NSUN3: variants seen among roughly 807,000 people sequenced by gnomAD.
NSUN3 encodes NOP2/Sun RNA methyltransferase 3.
NSUN3 carries 24 observed loss-of-function variants against 36.8 expected under a neutral mutation model. The observed-to-expected ratio is 0.65, with a 90% CI of 0.47 to 0.92. The LOEUF (loss-of-function observed/expected upper bound fraction) is 0.92, where lower values mean the gene tolerates loss of function less well. Ranked by LOEUF, NSUN3 falls within the 40% of genes least tolerant of loss-of-function variation. NSUN3 has a pLI of 0.00. For missense variants in NSUN3, 381 were observed against 392.8 expected (o/e 0.97, Z 0.25); for synonymous variants, 146 against 145.2 (o/e 1.01, Z -0.04).
chr3:94,095,492 T>G (rs2077334049), intron 5 of NSUN3, among the ~76,000 whole-genome samples: 2 of 152,172 alleles, frequency 1.3e-5, no homozygotes, highest in Admixed American at 1.3e-4. Context: ...GAGCAGCCCC[T>G]TAGGAATAGC....
intron 2 of NSUN3, among the ~76,000 whole-genome samples, chr3:94,079,757 G>T (rs1469454278): frequency 6.6e-6 from 1 of 151,868 alleles, no homozygotes. Flanking sequence ...AAGTTCTCGT[G>T]CTGTGTTTTT....
At chr3:94,070,423 T>C (rs980972219) in intron 2 of NSUN3, among the ~76,000 whole-genome samples, 12 of 152,114 alleles carry the variant, frequency 7.9e-5, no homozygotes, top group African/African-American at 2.7e-4. Flanking sequence ...ATCGCACAGC[T>C]GTACGCCAGC....
chr3:94,120,808 G>A (rs1251269457), intron 5 of NSUN3, among the ~76,000 whole-genome samples: 1 of 152,150 alleles, frequency 6.6e-6, no homozygotes, highest in Non-Finnish European at 1.5e-5. Flanking sequence ...AATTGCTGGA[G>A]CACATAATAA....
At chr3:94,067,804 T>G (rs1382303350) in intron 2 of NSUN3, among the ~76,000 whole-genome samples, 1 of 152,082 alleles carries the variant, frequency 6.6e-6, no homozygotes, top group Non-Finnish European at 1.5e-5. Flanking sequence ...CACTTTAACT[T>G]GCCCAAGTAT....
chr3:94,126,991 C>T lies in NSUN3; in HGVS notation c.*501C>T, dbSNP rs1312629307. 6.6e-6 allele frequency: 1 copy of T among 152,610 alleles called. No homozygotes were observed. The highest frequency in any genetic ancestry group is 1.5e-5 in the Non-Finnish European group (1 of 68,444). The allele number at this position is 152,610 out of a possible 1,614,324, so 9.5% of individuals were successfully genotyped here. A position where few individuals can be genotyped will look rare whatever the true frequency, so the allele number is the denominator to read the frequency against. On this transcript the variant is annotated 3_prime_UTR_variant, in exon 6 of 6. Transcript: ENST00000314622. ...TTTTTAAGCAGCACTATTTCTAGTTCTGGCAAAATAGTTTTTTTATTTGCA... is the reference window on the plus strand; with the variant it reads ...TTTTTAAGCAGCACTATTTCTAGTTTTGGCAAAATAGTTTTTTTATTTGCA...
At chr3:94,077,197 A>C (rs1232902356) in intron 2 of NSUN3, 8 of 684,920 alleles carry the variant, frequency 1.2e-5, no homozygotes, top group Non-Finnish European at 2.2e-5. Flanking sequence ...AGCCAGGGGA[A>C]TACTGGAGTC....
intron 5 of NSUN3, among the ~76,000 whole-genome samples, chr3:94,103,553 A>G (rs1354434322): frequency 6.6e-6 from 1 of 151,534 alleles, no homozygotes; most frequent in Non-Finnish European, 1.5e-5. Flanking sequence ...ATTTATATAT[A>G]TATACTATGT....
chr3:94,077,278 C>G (rs1345065897), intron 2 of NSUN3: 1 of 540,422 alleles, frequency 1.9e-6, no homozygotes, highest in Non-Finnish European at 3.4e-6. Flanking sequence ...TCTTGCATCC[C>G]AGGTATGAAG....
At chr3:94,082,939 C>G (rs1327604900) in intron 2 of NSUN3, among the ~76,000 whole-genome samples, 2 of 152,130 alleles carry the variant, frequency 1.3e-5, no homozygotes, top group African/African-American at 2.4e-5. Context: ...TTATCTTCAT[C>G]AGAAGAAAAC....
chr3:94,103,601 G>A (rs1297594827), intron 5 of NSUN3, among the ~76,000 whole-genome samples: 1 of 151,864 alleles, frequency 6.6e-6, no homozygotes, highest in Non-Finnish European at 1.5e-5. Flanking sequence ...GGCTGCTATA[G>A]TATGTAGAGT....
intron 2 of NSUN3, among the ~76,000 whole-genome samples, chr3:94,078,916 G>T (rs756408305): frequency 5.7e-4 from 86 of 152,162 alleles, no homozygotes; most frequent in Non-Finnish European, 9.7e-4. Context: ...TTTAATTGGT[G>T]CATTTAGCCT....
At chr3:94,080,864 G>A (rs958563405) in intron 2 of NSUN3, among the ~76,000 whole-genome samples, 1 of 152,208 alleles carries the variant, frequency 6.6e-6, no homozygotes, top group African/African-American at 2.4e-5. Flanking sequence ...GGGACCTGCT[G>A]AGCAAGACCA....
rs568084423 is a variant in NSUN3 at position 94,085,936 on chromosome 3, G to A, written c.466+1486G>A. ...CGTGACACCATCTCAATTACAAAAG[G>A]CAGTGTTGCCTTTTTTTTTTTTTTT... On this transcript the variant is annotated intron_variant, in intron 3 of 5. Transcript: ENST00000314622. Among the ~76,000 whole-genome samples the A allele has an allele frequency of 9.3e-5, 14 of 150,946 alleles. No individual in the cohort carries two copies. In the South Asian group the frequency reaches 2.7e-3, roughly 29 times the overall value.
intron 2 of NSUN3, chr3:94,076,312 T>C: frequency 1.2e-6 from 1 of 858,172 alleles, no homozygotes; most frequent in Middle Eastern, 3.4e-4. Context: ...GCTGATCCTG[T>C]GGCAAGAATG....
At chr3:94,108,084 G>T (rs1576097310) in intron 5 of NSUN3, among the ~76,000 whole-genome samples, 1 of 121,742 alleles carries the variant, frequency 8.2e-6, no homozygotes, top group Admixed American at 9.8e-5. Context: ...AATTTTTTTT[G>T]ATAAAATTTT....
chr3:94,092,534 A>T (rs2077319611), intron 3 of NSUN3, among the ~76,000 whole-genome samples: 1 of 152,092 alleles, frequency 6.6e-6, no homozygotes. Context: ...AGCTGTACAG[A>T]TGTGCTTTAA....
chr3:94,119,841 C>T (rs2077454330), intron 5 of NSUN3, among the ~76,000 whole-genome samples: 1 of 152,220 alleles, frequency 6.6e-6, no homozygotes, highest in African/African-American at 2.4e-5. Context: ...CTAACATTTG[C>T]CTTATGGTTT....
intron 3 of NSUN3, among the ~76,000 whole-genome samples, chr3:94,087,408 G>A (rs2077296331): frequency 6.6e-6 from 1 of 152,090 alleles, no homozygotes; most frequent in African/African-American, 2.4e-5. Context: ...TTATGTTTTA[G>A]GATGATTTAA....
intron 2 of NSUN3, among the ~76,000 whole-genome samples, chr3:94,068,058 T>C (rs947432011): frequency 1.3e-5 from 2 of 152,162 alleles, no homozygotes; most frequent in African/African-American, 4.8e-5. Context: ...TGTGCAGTAG[T>C]GTGGGTTCAA....
Sources: allele counts gnomAD v4.1 joint callset (sites outside exome capture counted in the v4.1 genomes callset), GRCh38; gene constraint gnomAD v4.1.1; transcripts MANE v1.5; gene names NCBI Gene and HGNC (gene_info 2026-07-23, HGNC 2026-07-21).